IDE: variants seen among roughly 807,000 people sequenced by gnomAD.
IDE encodes the protein insulin-degrading enzyme.
In IDE, 58 loss-of-function variants were observed where a neutral mutation model predicts 133.2. The ratio of observed to expected loss-of-function variants is 0.44; its 90% CI spans 0.35 to 0.54. The LOEUF (loss-of-function observed/expected upper bound fraction) is 0.54. Ranked by LOEUF, IDE falls within the 20% of genes least tolerant of loss-of-function variation. The pLI, the probability that IDE is intolerant of heterozygous loss-of-function variation, is 0.00. For synonymous variants in IDE, 396 were observed against 421.3 expected, an observed-to-expected ratio of 0.94 and a Z score of 0.73; for missense variants, 981 against 1,234.0, an observed-to-expected ratio of 0.79 and a Z score of 3.07.
intron 16 of IDE, among the ~76,000 whole-genome samples, chr10:92,475,503 C>T (rs574120279): frequency 1.4e-3 from 219 of 152,234 alleles, no homozygotes; most frequent in African/African-American, 5.1e-3. Flanking sequence ...ATAGTGTGCT[C>T]TAATGTGACA....
intron 13 of IDE, among the ~76,000 whole-genome samples, chr10:92,485,282 C>T (rs928195061): frequency 2.6e-5 from 4 of 151,948 alleles, no homozygotes; most frequent in Non-Finnish European, 4.4e-5. Flanking sequence ...CGCGCCACCA[C>T]GCCCAGCTAA....
At chr10:92,568,421 T>C (rs1200177723) in intron 1 of IDE, among the ~76,000 whole-genome samples, 5 of 152,180 alleles carry the variant, frequency 3.3e-5, no homozygotes, top group Non-Finnish European at 5.9e-5. Context: ...GGTCAAAAGC[T>C]ATAAAACTAA....
intron 9 of IDE, among the ~76,000 whole-genome samples, 179 bp from the exon 10 acceptor site, chr10:92,506,701 A>T (rs962949978): frequency 3.3e-5 from 5 of 152,132 alleles, no homozygotes; most frequent in Admixed American, 1.3e-4. Flanking sequence ...AAAATTTCTT[A>T]ATGTGTATAA....
At chr10:92,548,252 C>A (rs148870236) in intron 1 of IDE, among the ~76,000 whole-genome samples, 4 of 148,374 alleles carry the variant, frequency 2.7e-5, no homozygotes, top group African/African-American at 1.0e-4. Context: ...CCCAGCTACT[C>A]GGGAGGCTGA....
intron 11 of IDE, among the ~76,000 whole-genome samples, chr10:92,501,703 G>A (rs1407689490): frequency 1.0e-4 from 15 of 145,670 alleles, no homozygotes; most frequent in South Asian, 2.2e-4. Context: ...GGCCGGGAAC[G>A]GTGACTCACG....
At chr10:92,514,887 T>A (rs749819913) in intron 5 of IDE, 33 bp downstream of exon 5, 2 of 1,583,198 alleles carry the variant, frequency 1.3e-6, no homozygotes, top group Non-Finnish European at 8.6e-7. Context: ...ACTTATATTA[T>A]CCAATTCTAT....
intron 1 of IDE, among the ~76,000 whole-genome samples, chr10:92,566,409 T>TCACACA (rs563035723): frequency 6.1e-4 from 88 of 144,634 alleles, no homozygotes; most frequent in African/African-American, 1.6e-3. Context: ...TCTCTCTCTC[T>TCACACA]CTCTCACACA....
In IDE at chr10:92,510,788, C is replaced by CAT. The variant is rs61038110; in HGVS notation, c.785-628_785-627dup. Among the ~76,000 whole-genome samples, 62 of 148,274 alleles carry CAT rather than the reference C, an allele frequency of 4.2e-4. 2 individuals carry two copies. The highest frequency in any genetic ancestry group is 9.5e-4 in the Admixed American group (14 of 14,760). On this transcript the variant is annotated intron_variant, in intron 5 of 24. Transcript: ENST00000265986. ...TATGATATATAGCACATACATCTCA[C>CAT]ATGATATATAGCACATACATATCAC...
chr10:92,537,927 T>C (rs1842101468), intron 1 of IDE, among the ~76,000 whole-genome samples: 1 of 152,106 alleles, frequency 6.6e-6, no homozygotes, highest in Non-Finnish European at 1.5e-5. Flanking sequence ...TGCAGTAGCG[T>C]GATTTTGGCT....
chr10:92,533,885 T>G lies in IDE; in HGVS notation c.491+693A>C, dbSNP rs186121005. ...CTAAAAATACAAAATTAGCCAGGCG[T>G]GGTGGCACATGCCTGTAATCCCAAT... On this transcript the variant is annotated intron_variant, in intron 3 of 24. Coordinates refer to ENST00000265986, the MANE Select transcript of IDE (RefSeq NM_004969.4). Among the ~76,000 whole-genome samples, 7 of 151,968 alleles carry G rather than the reference T, an allele frequency of 4.6e-5. No individual in the cohort carries two copies. The East Asian group carries it at 1.4e-3, about 29-fold the overall frequency.
At chr10:92,569,398 G>C (rs1274588034) in intron 1 of IDE, among the ~76,000 whole-genome samples, 1 of 152,222 alleles carries the variant, frequency 6.6e-6, no homozygotes, top group Non-Finnish European at 1.5e-5. Flanking sequence ...GAATCAACTA[G>C]TAGGGAGACA....
intron 1 of IDE, among the ~76,000 whole-genome samples, chr10:92,570,581 G>A (rs1843736752): frequency 6.6e-6 from 1 of 152,114 alleles, no homozygotes; most frequent in Admixed American, 6.6e-5. Context: ...ATGTTTAGGA[G>A]ATATAAAATA....
At chr10:92,529,544 G>C (rs893894485) in intron 4 of IDE, among the ~76,000 whole-genome samples, 16 of 152,002 alleles carry the variant, frequency 1.1e-4, no homozygotes, top group Non-Finnish European at 1.8e-4. Context: ...GTATCTCTTT[G>C]CCCATCATTC....
intron 21 of IDE, among the ~76,000 whole-genome samples, chr10:92,461,916 C>T (rs561024320): frequency 2.7e-4 from 41 of 152,072 alleles, no homozygotes; most frequent in African/African-American, 9.2e-4. Flanking sequence ...ACTCGTGATC[C>T]GCCCGCCTCG....
intron 8 of IDE, 121 bp from the exon 9 acceptor site, chr10:92,507,787 A>G: frequency 2.9e-6 from 2 of 681,500 alleles, no homozygotes; most frequent in Non-Finnish European, 5.3e-6. Context: ...TGCAGTCCTC[A>G]CCTCCCTGAG....
chr10:92,547,732 C>T (rs1842592417), intron 1 of IDE, among the ~76,000 whole-genome samples: 1 of 152,154 alleles, frequency 6.6e-6, no homozygotes, highest in Non-Finnish European at 1.5e-5. Context: ...TCAGAGAATG[C>T]TGCCTCAGGA....
chr10:92,473,457 G>GCA (rs907389977), intron 17 of IDE, among the ~76,000 whole-genome samples: 26 of 151,068 alleles, frequency 1.7e-4, no homozygotes, highest in Non-Finnish European at 3.5e-4. Flanking sequence ...TAAGTAAAGG[G>GCA]GTATGGAAGG....
At chr10:92,489,276 G>A (rs1231668893) in intron 12 of IDE, among the ~76,000 whole-genome samples, 1 of 152,190 alleles carries the variant, frequency 6.6e-6, no homozygotes, top group Admixed American at 6.5e-5. Context: ...TCCCAGCCGG[G>A]TGTGGTGGCT....
At chr10:92,519,033 T>TAAATCTGTA (rs1332087682) in intron 4 of IDE, among the ~76,000 whole-genome samples, 25 of 152,122 alleles carry the variant, frequency 1.6e-4, no homozygotes, top group Non-Finnish European at 2.5e-4. Flanking sequence ...AACTACATCA[T>TAAATCTGTA]AAATCTGTAA....
Sources: gnomAD v4.1 joint callset for allele counts (sites outside exome capture counted in the v4.1 genomes callset) on GRCh38, gnomAD v4.1.1 for gene constraint, MANE v1.5 for transcripts, NCBI Gene and HGNC (gene_info 2026-07-23, HGNC 2026-07-21) for gene names.